OCA2: variants seen among roughly 807,000 people sequenced by gnomAD.
OCA2 encodes the protein P protein.
A neutral mutation model predicts 100.2 loss-of-function variants in OCA2; 77 were observed. The observed-to-expected ratio is 0.77, with a 90% CI of 0.64 to 0.93. The LOEUF (loss-of-function observed/expected upper bound fraction) is 0.93. Ranked by LOEUF, OCA2 falls within the 40% of genes least tolerant of loss-of-function variation. The pLI is 0.00. For synonymous variants in OCA2, 432 were observed against 439.2 expected (o/e 0.98, Z 0.21); for missense variants, 1,062 against 1,089.1 (o/e 0.98, Z 0.35).
chr15:27,839,795 A>G (rs1343385504), intron 23 of OCA2, among the ~76,000 whole-genome samples: 1 of 152,234 alleles, frequency 6.6e-6, no homozygotes, highest in Non-Finnish European at 1.5e-5. Context: ...ACCTAGTATA[A>G]TCATTGGGTA....
intron 23 of OCA2, among the ~76,000 whole-genome samples, chr15:27,770,439 C>A (rs116745211): frequency 6.6e-6 from 1 of 152,200 alleles, no homozygotes; most frequent in Non-Finnish European, 1.5e-5. Flanking sequence ...CGCCTGTCTG[C>A]TCTCCCTGAG....
At chr15:27,781,899 A>G (rs924448894) in intron 23 of OCA2, among the ~76,000 whole-genome samples, 1 of 152,244 alleles carries the variant, frequency 6.6e-6, no homozygotes, top group African/African-American at 2.4e-5. Context: ...AGGTCTGAGG[A>G]GTCAAGCGAT....
chr15:27,818,282 G>A lies in OCA2; in HGVS notation c.2432+26677C>T, dbSNP rs146797498. On this transcript the variant is annotated intron_variant, in intron 23 of 23. Transcript: ENST00000354638. ...CGCATGCCTGTAATCCCAGTTACTC[G>A]GGAGGCTGAGGCAGGAGAATCGCTT... Among the ~76,000 whole-genome samples the A allele has an allele frequency of 4.2e-3, 635 of 152,176 alleles. 6 individuals carry two copies. The highest frequency in any genetic ancestry group is 0.014 in the African/African-American group (596 of 41,510).
intron 23 of OCA2, among the ~76,000 whole-genome samples, chr15:27,836,819 T>C (rs904340483): frequency 6.6e-6 from 1 of 152,258 alleles, no homozygotes; most frequent in African/African-American, 2.4e-5. Flanking sequence ...TACAGTATTT[T>C]CTAGATGGTT....
chr15:27,986,594 GCACA>G lies in OCA2; in HGVS notation c.1228_1231del (p.Cys410LeufsTer2). 1 of 1,581,164 alleles carries G rather than the reference GCACA, an allele frequency of 6.3e-7. No individual in the cohort carries two copies. Among genetic ancestry groups the G allele is most frequent in the Non-Finnish European group, 8.7e-7 (1 of 1,149,706 alleles). On this transcript the variant is annotated frameshift_variant, in exon 12 of 24. Transcript: ENST00000354638. LOFTEE classifies it high-confidence loss of function. ...ATGCAACATCATACCTACCTTTACA[GCACA>G]ATAATCGAAAAATCCCGTTTCTGAA...
At chr15:27,771,386 T>TAAAA (rs35814221) in intron 23 of OCA2, among the ~76,000 whole-genome samples, 7 of 131,648 alleles carry the variant, frequency 5.3e-5, no homozygotes, top group African/African-American at 1.7e-4. Flanking sequence ...GAGAGAAGCC[T>TAAAA]AAAAAAAAAA....
At chr15:27,934,393 TCAGAAGACAAAC>T (rs2039375628) in intron 18 of OCA2, among the ~76,000 whole-genome samples, 1 of 152,184 alleles carries the variant, frequency 6.6e-6, no homozygotes, top group African/African-American at 2.4e-5. Context: ...ACCACACAGT[TCAGAAGACAAAC>T]AGACACTTGC....
chr15:27,873,151 G>C (rs1249927407), intron 19 of OCA2, among the ~76,000 whole-genome samples: 1 of 152,208 alleles, frequency 6.6e-6, no homozygotes, highest in Non-Finnish European at 1.5e-5. Context: ...AATCTCTTTA[G>C]AGCAGGGTTT....
rs1381007878 is a variant in OCA2 at position 27,896,536 on chromosome 15, A to T, written c.2080-24614T>A. ...CAAAAGAAAGATTGAGTAGCTCAAA[A>T]GAATGCAAGCTTCCTCAGAGCTCAG... On this transcript the variant is annotated intron_variant, in intron 19 of 23. Transcript: ENST00000354638. The T allele has an allele frequency of 1.7e-5, 8 of 460,450 alleles. No individual in the cohort carries two copies. The Admixed American group carries it at 2.3e-4, about 13-fold the overall frequency. The allele number at this position is 460,450 out of a possible 1,614,324, so 28.5% of individuals were successfully genotyped here. A position where few individuals can be genotyped will look rare whatever the true frequency, so the allele number is the denominator to read the frequency against.
At chr15:27,877,910 C>T (rs889877483) in intron 19 of OCA2, among the ~76,000 whole-genome samples, 2 of 151,558 alleles carry the variant, frequency 1.3e-5, no homozygotes, top group African/African-American at 2.4e-5. Context: ...TTATTCATTT[C>T]TGTGCCCATT....
chr15:27,782,755 G>A (rs1290177701), intron 23 of OCA2, among the ~76,000 whole-genome samples: 3 of 152,186 alleles, frequency 2.0e-5, no homozygotes, highest in Non-Finnish European at 4.4e-5. Context: ...GAGCCAATGC[G>A]TGTCCCACCT....
intron 9 of OCA2, among the ~76,000 whole-genome samples, chr15:27,999,605 G>A (rs187878443): frequency 6.6e-6 from 1 of 152,248 alleles, no homozygotes; most frequent in Non-Finnish European, 1.5e-5. Context: ...AGTACCAGAA[G>A]TACATAGTAG....
chr15:27,829,699 A>G (rs1211915187), intron 23 of OCA2, among the ~76,000 whole-genome samples: 1 of 152,180 alleles, frequency 6.6e-6, no homozygotes, highest in Non-Finnish European at 1.5e-5. Flanking sequence ...AGTCAACCTC[A>G]ATCAGCATCT....
chr15:28,029,756 A>G (rs952361147), intron 3 of OCA2, among the ~76,000 whole-genome samples: 2 of 152,256 alleles, frequency 1.3e-5, no homozygotes, highest in Non-Finnish European at 2.9e-5. Context: ...TATTATCCTA[A>G]TAAGCCATTT....
intron 18 of OCA2, among the ~76,000 whole-genome samples, chr15:27,942,096 G>A (rs1461533198): frequency 6.6e-6 from 1 of 151,958 alleles, no homozygotes; most frequent in Admixed American, 6.6e-5. Flanking sequence ...AAAGCAGTTA[G>A]GCAGGGTTTC....
intron 19 of OCA2, among the ~76,000 whole-genome samples, chr15:27,886,320 T>G (rs569531266): frequency 3.2e-4 from 48 of 152,158 alleles, no homozygotes; most frequent in Non-Finnish European, 6.6e-4. Context: ...AGGTCTAACT[T>G]TTCAACATCA....
intron 11 of OCA2, 137 bp downstream of exon 11, chr15:27,989,464 G>C (rs1479817874): frequency 1.3e-6 from 1 of 745,464 alleles, no homozygotes; most frequent in South Asian, 1.5e-5. Context: ...AGATTCATGA[G>C]ACCTGCACTA....
At chr15:27,981,269 T>C (rs1473895081) in intron 14 of OCA2, among the ~76,000 whole-genome samples, 1 of 152,222 alleles carries the variant, frequency 6.6e-6, no homozygotes, top group Admixed American at 6.5e-5. Flanking sequence ...AATGTCCTAG[T>C]CTGCTAATTC....
intron 19 of OCA2, among the ~76,000 whole-genome samples, chr15:27,923,874 T>C (rs1366917308): frequency 6.6e-6 from 1 of 152,206 alleles, no homozygotes; most frequent in East Asian, 1.9e-4. Flanking sequence ...ATAGATCCCA[T>C]TTGTCAATTT....
Sources: allele counts gnomAD v4.1 joint callset (sites outside exome capture counted in the v4.1 genomes callset), GRCh38; gene constraint gnomAD v4.1.1; transcripts MANE v1.5; gene names NCBI Gene and HGNC (gene_info 2026-07-23, HGNC 2026-07-21).